Variants in APPBP2 observed in about 807,000 individuals in gnomAD.
APPBP2 encodes the protein amyloid protein-binding protein 2.
APPBP2 carries 15 observed loss-of-function variants against 76.0 expected under a neutral mutation model. The ratio of observed to expected loss-of-function variants is 0.20; its 90% CI spans 0.13 to 0.30. The LOEUF is 0.30. APPBP2 is among the 10% of genes least tolerant of loss of function. APPBP2 has a pLI of 1.00. For missense variants in APPBP2, 401 were observed against 687.2 expected (o/e 0.58, Z 4.66); for synonymous variants, 222 against 242.2 (o/e 0.92, Z 0.77).
rs779603277 is a variant in APPBP2, at chr17:60,447,598, C to T, written c.1741G>A (p.Glu581Lys). ...GTCCTCCCTCAGCAGCTCGGTCCCTCGACATTCTGAGAAATCAGGAAGGAC... is the reference window on the plus strand; with the variant it reads ...GTCCTCCCTCAGCAGCTCGGTCCCTTGACATTCTGAGAAATCAGGAAGGAC... ...VQSFLISQNV[E>K]GPSC Residue 581 changes from glutamate (E) to lysine (K), a missense_variant, in exon 13 of 13, where the codon GAG becomes AAG. Physicochemically the swap from Glu to Lys is moderately conservative, Grantham distance 56. Coordinates refer to ENST00000083182, the MANE Select transcript of APPBP2 (RefSeq NM_006380.5). 2.7e-5 allele frequency: 44 copies of T among 1,612,966 alleles called. No individual in the cohort carries two copies. The East Asian group carries it at 6.7e-4, about 25-fold the overall frequency.
intron 1 of APPBP2, among the ~76,000 whole-genome samples, chr17:60,522,148 T>C (rs1369032422): frequency 6.6e-6 from 1 of 152,204 alleles, no homozygotes; most frequent in Non-Finnish European, 1.5e-5. Flanking sequence ...TTCTGATTTT[T>C]ATTAACTATT....
At chr17:60,489,443 T>C (rs1174575322) in intron 3 of APPBP2, among the ~76,000 whole-genome samples, 1 of 151,116 alleles carries the variant, frequency 6.6e-6, no homozygotes, top group Non-Finnish European at 1.5e-5. Context: ...AAACACCATC[T>C]CTACTAAAAA....
At chr17:60,484,970 G>T (rs1234943087) in intron 3 of APPBP2, among the ~76,000 whole-genome samples, 1 of 152,066 alleles carries the variant, frequency 6.6e-6, no homozygotes, top group Admixed American at 6.6e-5. Context: ...TAATCATGTG[G>T]TTTTTGTCTT....
chr17:60,517,521 A>G (rs1353772636), intron 1 of APPBP2, among the ~76,000 whole-genome samples: 2 of 152,208 alleles, frequency 1.3e-5, no homozygotes, highest in African/African-American at 4.8e-5. Flanking sequence ...AACTTTTTTC[A>G]TATTTAGATC....
At chr17:60,474,129 C>T (rs908866267) in intron 4 of APPBP2, among the ~76,000 whole-genome samples, 33 of 151,928 alleles carry the variant, frequency 2.2e-4, no homozygotes, top group African/African-American at 8.0e-4. Flanking sequence ...ACTATAAGGT[C>T]ATGACCTCCA....
intron 10 of APPBP2, among the ~76,000 whole-genome samples, chr17:60,455,077 C>A (rs1752803813): frequency 6.6e-6 from 1 of 150,992 alleles, no homozygotes; most frequent in Admixed American, 6.6e-5. Context: ...TCTATGTACA[C>A]AAAGGTAAGA....
chr17:60,506,563 T>A (rs1201725393), intron 1 of APPBP2, among the ~76,000 whole-genome samples: 1 of 150,168 alleles, frequency 6.7e-6, no homozygotes, highest in Admixed American at 6.6e-5. Flanking sequence ...CATGACACAC[T>A]GTTTTTTTTA....
rs115482367 is a variant in APPBP2 at position 60,444,081 on chromosome 17, C to T, written c.*3500G>A. ...AGGCGGAGGTTGCAGTGAGCCAAGACGGTGCCATTGCCCTCCCAGCCTGGG... is the reference window on the plus strand; with the variant it reads ...AGGCGGAGGTTGCAGTGAGCCAAGATGGTGCCATTGCCCTCCCAGCCTGGG... On this transcript the variant is annotated 3_prime_UTR_variant, in exon 13 of 13. Transcript: ENST00000083182. 0.057 allele frequency: 8,621 copies of T among 150,730 alleles called. 844 individuals are homozygous for T. Among genetic ancestry groups the T allele is most frequent in the African/African-American group, 0.2 (8,126 of 40,560 alleles). The allele number at this position is 150,730 out of a possible 1,614,324, so 9.3% of individuals were successfully genotyped here.
At chr17:60,477,417 C>T (rs1030622746) in intron 4 of APPBP2, 1 of 151,934 alleles carries the variant, frequency 6.6e-6, no homozygotes. Flanking sequence ...ATACAAAATC[C>T]CCTTTCTGTT....
At chr17:60,456,405 T>A (rs2090431867) in intron 9 of APPBP2, 24 bp from the exon 10 acceptor site, 2 of 1,422,088 alleles carry the variant, frequency 1.4e-6, no homozygotes. Flanking sequence ...AGATACAGTC[T>A]GGCATTTCTT....
Position 60,494,482 on chromosome 17 carries a change from C to T in APPBP2, c.363G>A (p.Gln121=). ...ATTACTTACCTAAAACAAAGCCAAC[C>T]TGAATGGCTTTTTCCTTTACTGCAG... ...SDAAVKEKAI[Q]VGFVLGGFLS... The change falls in exon 3 of 13, where the codon CAG becomes CAA. Residue 121 remains glutamine (Q), a synonymous_variant. Coordinates refer to ENST00000083182, the MANE Select transcript of APPBP2 (RefSeq NM_006380.5). 1 of 1,608,114 alleles carries T rather than the reference C, an allele frequency of 6.2e-7. No individual in the cohort carries two copies. Among genetic ancestry groups the T allele is most frequent in the Non-Finnish European group, 8.5e-7 (1 of 1,178,822 alleles).
chr17:60,469,320 A>C (rs2090534279), intron 4 of APPBP2, among the ~76,000 whole-genome samples: 1 of 136,778 alleles, frequency 7.3e-6, no homozygotes, highest in African/African-American at 3.3e-5. Flanking sequence ...GCAAGACTCC[A>C]TCTCAAAAAA....
In APPBP2 at chr17:60,509,258, T is replaced by C. The variant is rs553841224; in HGVS notation, c.139-8771A>G. On this transcript the variant is annotated intron_variant, in intron 1 of 12. Coordinates refer to ENST00000083182, the MANE Select transcript of APPBP2 (RefSeq NM_006380.5). ...GGCCAGGCATGGTGGTGTGTGCCTG[T>C]AGTCCCAGCTACCAGGAGGCTAAGG... is the stretch of plus-strand genomic sequence containing the variant. Among the ~76,000 whole-genome samples, 942 of 151,960 alleles carry C rather than the reference T, an allele frequency of 6.2e-3. 6 individuals carry two copies. The highest frequency in any genetic ancestry group is 9.8e-3 in the Non-Finnish European group (664 of 67,960).
chr17:60,518,532 G>T (rs946707055), intron 1 of APPBP2, among the ~76,000 whole-genome samples: 2 of 151,488 alleles, frequency 1.3e-5, no homozygotes, highest in African/African-American at 4.9e-5. Flanking sequence ...GTGTGTGAAA[G>T]AGAGAGAGAC....
chr17:60,515,630 G>A (rs2090956962), intron 1 of APPBP2, among the ~76,000 whole-genome samples: 1 of 152,076 alleles, frequency 6.6e-6, no homozygotes. Flanking sequence ...ACTAAATTTT[G>A]CCTGTTTTGA....
intron 9 of APPBP2, among the ~76,000 whole-genome samples, chr17:60,457,307 C>T (rs1444062184): frequency 2.0e-5 from 3 of 152,108 alleles, no homozygotes; most frequent in Admixed American, 6.6e-5. Context: ...GCCTCCCTCT[C>T]CCCCACCCTC....
At chr17:60,525,757 GCT>G (rs2091048452) in intron 1 of APPBP2, 35 bp downstream of exon 1, 1 of 1,612,416 alleles carries the variant, frequency 6.2e-7, no homozygotes, top group African/African-American at 1.3e-5. Context: ...CCCCGGGGTT[GCT>G]GGAGGAGAGC....
At chr17:60,461,015 A>C (rs747932261) in intron 8 of APPBP2, 9 of 253,758 alleles carry the variant, frequency 3.5e-5, no homozygotes, top group African/African-American at 9.0e-5. Context: ...TAATAATAAT[A>C]ATAATCATTC....
At chr17:60,483,645 G>A (rs1459834437) in intron 3 of APPBP2, among the ~76,000 whole-genome samples, 7 of 152,142 alleles carry the variant, frequency 4.6e-5, no homozygotes, top group Non-Finnish European at 5.9e-5. Context: ...CGCTCGCCTC[G>A]GCCTCCCAAA....
Sources: allele counts gnomAD v4.1 joint callset (sites outside exome capture counted in the v4.1 genomes callset), GRCh38; gene constraint gnomAD v4.1.1; transcripts MANE v1.5; gene names NCBI Gene and HGNC (gene_info 2026-07-23, HGNC 2026-07-21).